ABHD12B: variants seen among roughly 807,000 people sequenced by gnomAD.
ABHD12B encodes the protein abhydrolase domain containing 12B.
In ABHD12B, 42 loss-of-function variants were observed where a neutral mutation model predicts 50.4. That is an observed-to-expected ratio of 0.83 (90% confidence interval 0.65 to 1.08). The LOEUF (loss-of-function observed/expected upper bound fraction) is 1.08, where lower values mean the gene tolerates loss of function less well. Among genes scored for constraint, ABHD12B ranks in the 50% least tolerant of loss-of-function variants. The pLI, the probability that ABHD12B is intolerant of heterozygous loss-of-function variation, is 0.00. For missense variants in ABHD12B, 479 were observed against 447.7 expected, an observed-to-expected ratio of 1.07 and a Z score of -0.63; for synonymous variants, 167 against 160.3, an observed-to-expected ratio of 1.04 and a Z score of -0.32.
At chr14:50,888,938 G>C in intron 9 of ABHD12B, 35 bp downstream of exon 9, 1 of 1,568,008 alleles carries the variant, frequency 6.4e-7, no homozygotes, top group Non-Finnish European at 8.8e-7. Flanking sequence ...AGGGATCAAA[G>C]TAGGCTATTT....
chr14:50,896,790 C>T (rs980378629), intron 9 of ABHD12B, among the ~76,000 whole-genome samples: 10 of 152,104 alleles, frequency 6.6e-5, no homozygotes, highest in Non-Finnish European at 5.9e-5. Flanking sequence ...ACTCTCTTTG[C>T]GGACTCAGCC....
chr14:50,903,571 T>C (rs968057994), intron 11 of ABHD12B, 104 bp downstream of exon 11: 2 of 885,458 alleles, frequency 2.3e-6, no homozygotes, highest in Admixed American at 5.2e-5. Flanking sequence ...TCTCTGACAT[T>C]ATAGGAGATT....
chr14:50,877,908 T>C, intron 1 of ABHD12B, 44 bp from the exon 2 acceptor site: 1 of 1,448,878 alleles, frequency 6.9e-7, no homozygotes, highest in Non-Finnish European at 9.1e-7. Flanking sequence ...CCAAGACAAA[T>C]GGATTAATTT....
At chr14:50,903,751 T>C (rs2050294381) in intron 11 of ABHD12B, among the ~76,000 whole-genome samples, 1 of 152,204 alleles carries the variant, frequency 6.6e-6, no homozygotes, top group Non-Finnish European at 1.5e-5. Flanking sequence ...TCGTCTCTAC[T>C]GTAGTGGCTC....
At chr14:50,903,849 T>A (rs1238684406) in intron 11 of ABHD12B, among the ~76,000 whole-genome samples, 3 of 152,042 alleles carry the variant, frequency 2.0e-5, no homozygotes, top group Non-Finnish European at 4.4e-5. Flanking sequence ...GCAGGGAGGT[T>A]CAAGCAGGGA....
rs909563542 is a variant in ABHD12B at position 50,878,031 on chromosome 14, G to T, written c.184G>T (p.Glu62Ter). Residue 62 changes from glutamate to a stop codon, truncating the protein, a stop_gained, in exon 2 of 13, where the codon GAA (glutamate) becomes TAA (stop). Transcript: ENST00000337334. LOFTEE classifies it high-confidence loss of function. ...YDSFTSKSLK[E>*]HVFLPLIDML... ...CAGCTTTACTAGTAAATCCTTAAAA[G>T]AACACGTTTTCCTTCCTCTGATAGA... 4 of 1,534,334 alleles carry T rather than the reference G, an allele frequency of 2.6e-6. No individual in the cohort carries two copies. Among genetic ancestry groups the T allele is most frequent in the Non-Finnish European group, 3.5e-6 (4 of 1,146,306 alleles).
intron 5 of ABHD12B, among the ~76,000 whole-genome samples, chr14:50,883,022 G>C (rs2049980971): frequency 6.6e-6 from 1 of 151,320 alleles, no homozygotes; most frequent in Non-Finnish European, 1.5e-5. Context: ...CCCATGTAAG[G>C]CTTTGTAGAG....
intron 5 of ABHD12B, among the ~76,000 whole-genome samples, chr14:50,883,774 A>G (rs1050482651): frequency 6.6e-6 from 1 of 152,236 alleles, no homozygotes; most frequent in Non-Finnish European, 1.5e-5. Flanking sequence ...AACAGGACCA[A>G]ACTTCCTTAG....
rs1486920907 is a variant in ABHD12B, at chr14:50,885,640, C to G, written c.513C>G (p.Val171=). The change falls in exon 6 of 13, where the codon GTC becomes GTG. Residue 171 remains valine (V), a synonymous_variant. Transcript: ENST00000337334. The part of the protein sequence containing the change: ...VKVLSDGGFH[V]LSVDYRGFGD... ...TGCTGAGTGATGGTGGCTTTCATGT[C>G]TTGTCTGTTGACTACAGAGGTATGT... 1 of 1,614,146 alleles carries G rather than the reference C, an allele frequency of 6.2e-7. No individual in the cohort carries two copies. Among genetic ancestry groups the G allele is most frequent in the African/African-American group, 1.3e-5 (1 of 75,018 alleles).
chr14:50,899,117 C>T (rs906611643), intron 9 of ABHD12B, among the ~76,000 whole-genome samples: 1 of 152,136 alleles, frequency 6.6e-6, no homozygotes, highest in South Asian at 2.1e-4. Context: ...CACTTGAACC[C>T]GGGAGGCGGA....
intron 2 of ABHD12B, among the ~76,000 whole-genome samples, 177 bp downstream of exon 2, chr14:50,878,256 T>C (rs2049890870): frequency 6.6e-6 from 1 of 152,202 alleles, no homozygotes; most frequent in African/African-American, 2.4e-5. Context: ...CCTTGCAAAC[T>C]GTTGGGAGTA....
intron 9 of ABHD12B, among the ~76,000 whole-genome samples, chr14:50,890,030 A>T (rs976372001): frequency 6.6e-6 from 1 of 152,234 alleles, no homozygotes; most frequent in Non-Finnish European, 1.5e-5. Context: ...ATCTAAGTTT[A>T]ACTAAATATA....
chr14:50,894,949 C>T (rs1181001410), intron 9 of ABHD12B, among the ~76,000 whole-genome samples: 3 of 149,332 alleles, frequency 2.0e-5, no homozygotes, highest in African/African-American at 7.8e-5. Context: ...CCTGGTCCTG[C>T]TTACAGTTTC....
intron 9 of ABHD12B, among the ~76,000 whole-genome samples, chr14:50,894,799 C>A (rs1006132105): frequency 6.7e-6 from 1 of 149,258 alleles, no homozygotes; most frequent in Non-Finnish European, 1.5e-5. Flanking sequence ...CAACCCCAAG[C>A]GTCGCTGAGT....
chr14:50,880,590 A>G lies in ABHD12B; in HGVS notation c.455+19A>G, dbSNP rs747543592. ...AACACAGGTCAGTGGCTCTGCTTACATATTTTTTTTTCAGGAGATTGAGAG... is the reference window on the plus strand; with the variant it reads ...AACACAGGTCAGTGGCTCTGCTTACGTATTTTTTTTTCAGGAGATTGAGAG... On this transcript the variant is annotated intron_variant, in intron 4 of 12. Transcript: ENST00000337334. 1.3e-6 allele frequency: 2 copies of G among 1,535,308 alleles called. No homozygotes were observed. Among genetic ancestry groups the G allele is most frequent in the African/African-American group, 1.4e-5 (1 of 71,268 alleles).
At chr14:50,898,084 G>A (rs2050219245) in intron 9 of ABHD12B, among the ~76,000 whole-genome samples, 1 of 152,222 alleles carries the variant, frequency 6.6e-6, no homozygotes, top group African/African-American at 2.4e-5. Flanking sequence ...TGTTAACTCA[G>A]ACCCCTGGCA....
At chr14:50,898,945 C>G (rs1164074587) in intron 9 of ABHD12B, among the ~76,000 whole-genome samples, 1 of 152,190 alleles carries the variant, frequency 6.6e-6, no homozygotes, top group Non-Finnish European at 1.5e-5. Context: ...GTAATCCCAG[C>G]ACTTTGGGAG....
rs778415828 is a variant in ABHD12B, at chr14:50,880,495, G to A, written c.379G>A (p.Asp127Asn). 1 of 1,611,948 alleles carries A rather than the reference G, an allele frequency of 6.2e-7. No homozygotes were observed. Among genetic ancestry groups the A allele is most frequent in the Non-Finnish European group, 8.5e-7 (1 of 1,178,938 alleles). Residue 127 changes from aspartate (D) to asparagine (N), a missense_variant, in exon 4 of 13, where the codon GAC becomes AAC. By Grantham distance (23) the Asp-to-Asn change is conservative. Transcript: ENST00000337334. ...SCRGEDAKGK[D>N]CCWYEAALRD... ...CCGGGGGGAAGATGCCAAGGGGAAG[G>A]ACTGTTGCTGGTATGAAGCAGCCCT...
At position 50,877,954 on chromosome 14, in the gene ABHD12B, A is replaced by ATT; in HGVS notation, c.110_111dup (p.Pro38PhefsTer24). The stretch of plus-strand genomic sequence containing the variant: ...GTGTGTTTCCCAATACCTTGCAGAT[A>ATT]TTTTCCACACTCCTGTTCAATGCTC... On this transcript the variant is annotated frameshift_variant, in exon 2 of 13. Coordinates refer to ENST00000337334, the MANE Select transcript of ABHD12B (RefSeq NM_001206673.2). LOFTEE classifies it high-confidence loss of function. 1 of 1,517,982 alleles carries ATT rather than the reference A, an allele frequency of 6.6e-7. No individual in the cohort carries two copies. The highest frequency in any genetic ancestry group is 1.3e-5 in the South Asian group (1 of 79,976). 94.0% of individuals were successfully genotyped at this position (1,517,982 alleles called of 1,614,324 possible).
Sources: gnomAD v4.1 joint callset for allele counts (sites outside exome capture counted in the v4.1 genomes callset) on GRCh38, gnomAD v4.1.1 for gene constraint, MANE v1.5 for transcripts, NCBI Gene and HGNC (gene_info 2026-07-23, HGNC 2026-07-21) for gene names.